Variants in PAPOLA observed in about 807,000 individuals in gnomAD.
PAPOLA encodes the protein polynucleotide adenylyltransferase alpha.
In PAPOLA, 15 loss-of-function variants were observed where a neutral mutation model predicts 100.6. The observed-to-expected ratio is 0.15, with a 90% CI of 0.10 to 0.23. The LOEUF (loss-of-function observed/expected upper bound fraction) is 0.23, where lower values mean the gene tolerates loss of function less well. Among genes scored for constraint, PAPOLA ranks in the 10% least tolerant of loss-of-function variants. The pLI is 1.00. For missense variants in PAPOLA, 533 were observed against 884.2 expected (o/e 0.60, Z 5.04); for synonymous variants, 293 against 300.0 (o/e 0.98, Z 0.24).
At position 96,554,869 on chromosome 14, in the gene PAPOLA, T is replaced by A. The variant is rs932163225; in HGVS notation, c.1665-978T>A. ...TTTATATAATAAGGAATAATTTCTT[T>A]GTATAGGAAAGAATAGGGGTTAATT... On this transcript the variant is annotated intron_variant, in intron 17 of 21. Transcript: ENST00000216277. Among the ~76,000 whole-genome samples the A allele has an allele frequency of 3.9e-5, 6 of 152,138 alleles. No individual in the cohort carries two copies. In the South Asian group the frequency reaches 1.0e-3, roughly 26 times the overall value.
intron 2 of PAPOLA, 155 bp from the exon 3 acceptor site, chr14:96,520,833 AGAGAGAGAGAGAGAAAGC>A (rs1281302790): frequency 7.8e-6 from 3 of 383,200 alleles, no homozygotes; most frequent in Non-Finnish European, 1.5e-5. Context: ...ATATATAGAA[AGAGAGAGAGAGAGAAAGC>A]GAGAGAGAGA....
At chr14:96,513,114 A>G (rs1897216845) in intron 1 of PAPOLA, among the ~76,000 whole-genome samples, 1 of 151,984 alleles carries the variant, frequency 6.6e-6, no homozygotes, top group South Asian at 2.1e-4. Context: ...CTCAGGCTGG[A>G]CTGCAGTGGT....
chr14:96,544,327 A>G (rs1900218416), intron 15 of PAPOLA, 69 bp downstream of exon 15: 4 of 722,648 alleles, frequency 5.5e-6, no homozygotes, highest in South Asian at 3.3e-5. Context: ...GATGCATACC[A>G]TAGTGATATT....
chr14:96,560,711 G>A lies in PAPOLA; in HGVS notation c.2067G>A (p.Lys689=), dbSNP rs1019768919. The A allele has an allele frequency of 6.4e-7, 1 of 1,571,982 alleles. No individual in the cohort carries two copies. Among genetic ancestry groups the A allele is most frequent in the African/African-American group, 1.3e-5 (1 of 74,090 alleles). The change falls in exon 20 of 22, where the codon AAG becomes AAA. Residue 689 remains lysine, a splice_region_variant and synonymous_variant. Coordinates refer to ENST00000216277, the MANE Select transcript of PAPOLA (RefSeq NM_032632.5). The part of the protein sequence containing the change: ...ALSGHDKTEA[K]EQLDTETSTT... Reference sequence around the variant, plus strand: ...GTGGACATGATAAAACAGAAGCAAAGGTATACTAATTTAGCCTTTAGAATA... The same window carrying A: ...GTGGACATGATAAAACAGAAGCAAAAGTATACTAATTTAGCCTTTAGAATA...
intron 1 of PAPOLA, among the ~76,000 whole-genome samples, chr14:96,512,957 C>G (rs1337907857): frequency 6.6e-6 from 1 of 152,232 alleles, no homozygotes; most frequent in African/African-American, 2.4e-5. Flanking sequence ...CTGCTCATTT[C>G]AAGCTTATTT....
Position 96,525,398 on chromosome 14 carries a change from A to G in PAPOLA, c.331+7A>G, listed in dbSNP as rs955487011. On this transcript the variant is annotated splice_region_variant and intron_variant, in intron 4 of 21. Coordinates refer to ENST00000216277, the MANE Select transcript of PAPOLA (RefSeq NM_032632.5). ...TTAGGAGTGCATACAAAAGGTAAGT[A>G]TTATTTCATTTTTCTTAGAAAGGGA... The G allele has an allele frequency of 4.1e-6, 5 of 1,206,422 alleles. No homozygotes were observed. Among genetic ancestry groups the G allele is most frequent in the Admixed American group, 2.3e-5 (1 of 44,198 alleles). 74.7% of individuals were successfully genotyped at this position (1,206,422 alleles called of 1,614,324 possible). A position where few individuals can be genotyped will look rare whatever the true frequency, so the allele number is the denominator to read the frequency against.
chr14:96,518,169 T>C (rs897023899), intron 1 of PAPOLA, among the ~76,000 whole-genome samples: 15 of 152,208 alleles, frequency 9.9e-5, no homozygotes, highest in Non-Finnish European at 2.1e-4. Flanking sequence ...AAATCTGAAT[T>C]AAAATTAAGA....
At chr14:96,552,652 G>A (rs752516557) in intron 17 of PAPOLA, 30 bp downstream of exon 17, 9 of 1,593,530 alleles carry the variant, frequency 5.6e-6, no homozygotes, top group Non-Finnish European at 7.7e-6. Context: ...TAGAAGTGGA[G>A]GGGCTGTTTG....
chr14:96,547,515 T>G (rs140571860), intron 15 of PAPOLA, among the ~76,000 whole-genome samples: 146 of 152,284 alleles, frequency 9.6e-4, no homozygotes, highest in Middle Eastern at 3.4e-3. Context: ...TTCTGCCATT[T>G]CTTAAAGAGT....
chr14:96,531,025 C>CG (rs1898966594), intron 6 of PAPOLA, among the ~76,000 whole-genome samples: 2 of 151,090 alleles, frequency 1.3e-5, no homozygotes, highest in African/African-American at 4.9e-5. Flanking sequence ...GTTTTTGAGA[C>CG]GGAGTGTTGC....
intron 3 of PAPOLA, among the ~76,000 whole-genome samples, chr14:96,522,367 C>T (rs1898073197): frequency 6.6e-6 from 1 of 151,852 alleles, no homozygotes; most frequent in South Asian, 2.1e-4. Flanking sequence ...GATCTGCCCA[C>T]CTCGGCCTTT....
intron 17 of PAPOLA, among the ~76,000 whole-genome samples, chr14:96,555,239 T>G (rs1901209660): frequency 7.5e-6 from 1 of 132,476 alleles, no homozygotes; most frequent in Non-Finnish European, 1.6e-5. Flanking sequence ...ATAATATAGG[T>G]TTTTTTTTTT....
chr14:96,512,539 A>G (rs908566677), intron 1 of PAPOLA, among the ~76,000 whole-genome samples: 1 of 152,190 alleles, frequency 6.6e-6, no homozygotes, highest in Non-Finnish European at 1.5e-5. Context: ...TTTAATAGTA[A>G]GAGTTGTTAG....
chr14:96,544,341 A>C (rs1900219336), intron 15 of PAPOLA, 83 bp downstream of exon 15: 1 of 679,278 alleles, frequency 1.5e-6, no homozygotes, highest in Non-Finnish European at 2.6e-6. Context: ...TGATATTTAC[A>C]ATAATTGTTG....
At chr14:96,505,378 G>A (rs1896635740) in intron 1 of PAPOLA, among the ~76,000 whole-genome samples, 1 of 152,098 alleles carries the variant, frequency 6.6e-6, no homozygotes, top group Non-Finnish European at 1.5e-5. Context: ...ATGCCCTTAT[G>A]GAAACTAGAT....
chr14:96,538,190 A>G (rs954981627), intron 12 of PAPOLA, among the ~76,000 whole-genome samples: 18 of 152,024 alleles, frequency 1.2e-4, no homozygotes, highest in Admixed American at 9.8e-4. Context: ...ACACAGTTAC[A>G]TGTAAGGAGA....
chr14:96,520,840 G>A, intron 2 of PAPOLA, 166 bp from the exon 3 acceptor site: 1 of 545,054 alleles, frequency 1.8e-6, no homozygotes, highest in South Asian at 2.3e-5. Context: ...GAAAGAGAGA[G>A]AGAGAGAAAG....
At chr14:96,531,041 C>T (rs1196047980) in intron 6 of PAPOLA, among the ~76,000 whole-genome samples, 1 of 152,090 alleles carries the variant, frequency 6.6e-6, no homozygotes, top group Non-Finnish European at 1.5e-5. Flanking sequence ...GTTGCTCTGT[C>T]ACCCAGGCTG....
intron 12 of PAPOLA, chr14:96,537,307 G>GCATACAT (rs1418825379): frequency 3.3e-5 from 15 of 459,000 alleles, no homozygotes; most frequent in Non-Finnish European, 5.5e-5. Context: ...AGTTCTGTAG[G>GCATACAT]CATACATCAG....
Sources: allele counts gnomAD v4.1 joint callset (sites outside exome capture counted in the v4.1 genomes callset), GRCh38; gene constraint gnomAD v4.1.1; transcripts MANE v1.5; gene names NCBI Gene and HGNC (gene_info 2026-07-23, HGNC 2026-07-21).